The following GNB4 variants were observed in gnomAD, a reference collection of about 807,000 sequenced individuals.
The protein encoded by GNB4 is guanine nucleotide-binding protein subunit beta-4.
Under a neutral mutation model 45.2 loss-of-function variants are expected in GNB4, and 28 were observed. The observed-to-expected ratio is 0.62, with a 90% CI of 0.46 to 0.85. GNB4 has a LOEUF of 0.85. Ranked by LOEUF, GNB4 falls within the 40% of genes least tolerant of loss-of-function variation. The pLI, the probability that GNB4 is intolerant of heterozygous loss-of-function variation, is 0.00. For synonymous variants in GNB4, 132 were observed against 143.7 expected (o/e 0.92, Z 0.58); for missense variants, 321 against 425.4 (o/e 0.75, Z 2.16).
the GNB4 span, among the ~76,000 whole-genome samples, chr3:179,521,000 A>G: frequency 6.6e-6 from 1 of 152,062 alleles, no homozygotes; most frequent in Non-Finnish European, 1.5e-5. Context: ...CTGCTATTCT[A>G]CTACCCCTCA....
At chr3:179,448,305 C>T (rs992154342) in intron 1 of GNB4, among the ~76,000 whole-genome samples, 2 of 152,174 alleles carry the variant, frequency 1.3e-5, no homozygotes, top group Admixed American at 1.3e-4. Flanking sequence ...GTTGGAAACC[C>T]TAGTTCCCAA....
At chr3:179,515,075 G>A in the GNB4 span, among the ~76,000 whole-genome samples, 1 of 152,134 alleles carries the variant, frequency 6.6e-6, no homozygotes, top group African/African-American at 2.4e-5. Flanking sequence ...AATATTTACA[G>A]TATGCTAACT....
At chr3:179,476,143 G>T in the GNB4 span, among the ~76,000 whole-genome samples, 2 of 152,216 alleles carry the variant, frequency 1.3e-5, no homozygotes, top group Non-Finnish European at 2.9e-5. Flanking sequence ...TATGAAATCA[G>T]TAAGTTACAT....
chr3:179,526,839 C>G, the GNB4 span, among the ~76,000 whole-genome samples: 1 of 152,160 alleles, frequency 6.6e-6, no homozygotes, highest in East Asian at 1.9e-4. Context: ...CCTAGGAGAT[C>G]CTCAATAAAC....
At chr3:179,522,844 G>T in the GNB4 span, among the ~76,000 whole-genome samples, 1 of 152,194 alleles carries the variant, frequency 6.6e-6, no homozygotes, top group Non-Finnish European at 1.5e-5. Context: ...AAGTTGTTTG[G>T]ACAGAAAGAG....
rs553187389 is a variant in GNB4, at chr3:179,439,100, G to C, written c.-43+12246C>G. Among the ~76,000 whole-genome samples the C allele has an allele frequency of 3.3e-5, 5 of 152,184 alleles. No homozygotes were observed. The East Asian group carries it at 9.7e-4, about 29-fold the overall frequency. ...AATCCCTTCCCAGGACTACAGACTC[G>C]GAAACCTTGAGGGTAGAGCCCAGCA... On this transcript the variant is annotated intron_variant, in intron 1 of 9. Transcript: ENST00000232564.
At chr3:179,487,599 A>G in the GNB4 span, among the ~76,000 whole-genome samples, 1 of 152,216 alleles carries the variant, frequency 6.6e-6, no homozygotes, top group East Asian at 1.9e-4. Context: ...GAAATTATAA[A>G]TAAGACCTAA....
At chr3:179,519,142 G>C in the GNB4 span, among the ~76,000 whole-genome samples, 2 of 152,188 alleles carry the variant, frequency 1.3e-5, no homozygotes, top group African/African-American at 4.8e-5. Context: ...TGCTACAAGT[G>C]CCAGAAATAT....
the GNB4 span, among the ~76,000 whole-genome samples, chr3:179,480,123 T>C: frequency 2.0e-5 from 3 of 152,224 alleles, no homozygotes; most frequent in African/African-American, 7.2e-5. Context: ...TCTCATTATG[T>C]GATGTTTTCT....
At chr3:179,464,437 C>T in the GNB4 span, 118 of 1,544,870 alleles carry the variant, frequency 7.6e-5, no homozygotes, top group Middle Eastern at 3.5e-4. Context: ...TTCCACCTCA[C>T]GGCAGTTACA....
At chr3:179,471,382 A>T in the GNB4 span, among the ~76,000 whole-genome samples, 1 of 152,158 alleles carries the variant, frequency 6.6e-6, no homozygotes, top group Non-Finnish European at 1.5e-5. Context: ...AGCCCCATTC[A>T]TGGTAAGTGC....
chr3:179,510,698 A>G, the GNB4 span, among the ~76,000 whole-genome samples: 1 of 152,056 alleles, frequency 6.6e-6, no homozygotes, highest in African/African-American at 2.4e-5. Flanking sequence ...CAAATCTCCA[A>G]TGTGAAGCTT....
At chr3:179,430,064 TGA>T (rs201245486) in intron 1 of GNB4, among the ~76,000 whole-genome samples, 1 of 104,254 alleles carries the variant, frequency 9.6e-6, no homozygotes, top group Admixed American at 1.2e-4. Context: ...TGTGTGTGAC[TGA>T]GAGAGAGACA....
the GNB4 span, among the ~76,000 whole-genome samples, chr3:179,466,060 G>C: frequency 6.7e-6 from 1 of 149,108 alleles, no homozygotes; most frequent in Admixed American, 6.7e-5. Flanking sequence ...GCCCAGGCTG[G>C]AGTGCAGTGG....
chr3:179,522,060 A>G, the GNB4 span, among the ~76,000 whole-genome samples: 1 of 152,008 alleles, frequency 6.6e-6, no homozygotes, highest in Admixed American at 6.6e-5. Flanking sequence ...TATTTTTCTT[A>G]TTAATATAAG....
chr3:179,452,664 C>T (rs1297090520), upstream of GNB4, among the ~76,000 whole-genome samples: 3 of 151,908 alleles, frequency 2.0e-5, no homozygotes. Flanking sequence ...AAAGCCAGGC[C>T]GTGACAAAAA....
At chr3:179,490,445 A>G in the GNB4 span, among the ~76,000 whole-genome samples, 4 of 152,198 alleles carry the variant, frequency 2.6e-5, no homozygotes, top group African/African-American at 9.7e-5. Context: ...ATAGAGACAT[A>G]TATGAGAGGG....
chr3:179,421,433 A>T (rs542174155), intron 2 of GNB4, among the ~76,000 whole-genome samples: 3 of 152,332 alleles, frequency 2.0e-5, no homozygotes, highest in Admixed American at 6.5e-5. Context: ...ACCAAACATC[A>T]GTTTTTTTCA....
chr3:179,451,370 G>A lies in GNB4; in HGVS notation c.-67C>T, dbSNP rs1306811171. On this transcript the variant is annotated 5_prime_UTR_variant, in exon 1 of 10. Coordinates refer to ENST00000232564, the MANE Select transcript of GNB4 (RefSeq NM_021629.4). ...CCTGGAGGGAGCTCAGGCCCGCGTCGACCGCGCGCTGCCGGTGTCCGCTGG... is the reference window on the plus strand; with the variant it reads ...CCTGGAGGGAGCTCAGGCCCGCGTCAACCGCGCGCTGCCGGTGTCCGCTGG... The A allele has an allele frequency of 6.6e-6, 1 of 151,190 alleles. No individual in the cohort carries two copies. Among genetic ancestry groups the A allele is most frequent in the East Asian group, 1.9e-4 (1 of 5,188 alleles). The allele number at this position is 151,190 out of a possible 1,614,324, so 9.4% of individuals were successfully genotyped here.
Sources: allele counts gnomAD v4.1 joint callset (sites outside exome capture counted in the v4.1 genomes callset), GRCh38; gene constraint gnomAD v4.1.1; transcripts MANE v1.5; gene names NCBI Gene and HGNC (gene_info 2026-07-23, HGNC 2026-07-21).